The following ADAMTSL1 variants were observed in gnomAD, a reference collection of about 807,000 sequenced individuals.
ADAMTSL1 encodes ADAMTS like 1.
Under a neutral mutation model 201.8 loss-of-function variants are expected in ADAMTSL1, and 126 were observed. The ratio of observed to expected loss-of-function variants is 0.62; its 90% CI spans 0.54 to 0.72. The LOEUF is 0.72. ADAMTSL1 is among the 30% of genes least tolerant of loss of function. ADAMTSL1 has a pLI of 0.00. For missense variants in ADAMTSL1, 2,679 were observed against 2,277.8 expected (o/e 1.18, Z -3.59); for synonymous variants, 1,121 against 903.4 (o/e 1.24, Z -4.32).
chr9:18,707,132 C>G, intron 14 of ADAMTSL1, 84 bp downstream of exon 14: 22 of 1,480,630 alleles, frequency 1.5e-5, no homozygotes, highest in Non-Finnish European at 2.0e-5. Context: ...ATGTGACTGC[C>G]TCAAATCCAA....
chr9:18,182,297 A>G (rs116140933), intron 2 of ADAMTSL1, among the ~76,000 whole-genome samples: 2,101 of 152,264 alleles, frequency 0.014, 72 homozygotes, highest in African/African-American at 0.048. Flanking sequence ...AAAAAAAAAA[A>G]AAGAAGAATT....
At chr9:18,327,081 TAAAA>T (rs566009481) in intron 2 of ADAMTSL1, among the ~76,000 whole-genome samples, 1 of 152,202 alleles carries the variant, frequency 6.6e-6, no homozygotes, top group Non-Finnish European at 1.5e-5. Context: ...CGAAAGCTGA[TAAAA>T]AAATTTTCAA....
At chr9:18,738,159 C>G (rs995515182) in intron 15 of ADAMTSL1, among the ~76,000 whole-genome samples, 11 of 152,020 alleles carry the variant, frequency 7.2e-5, no homozygotes, top group Non-Finnish European at 1.6e-4. Flanking sequence ...AATAGGGGAC[C>G]CAGATGGTCA....
intron 1 of ADAMTSL1, among the ~76,000 whole-genome samples, chr9:18,057,890 C>T (rs1318778089): frequency 6.6e-6 from 1 of 152,166 alleles, no homozygotes; most frequent in South Asian, 2.1e-4. Flanking sequence ...TTTAGGTCTC[C>T]CTATTATCCA....
intron 20 of ADAMTSL1, among the ~76,000 whole-genome samples, chr9:18,811,165 C>G (rs545952581): frequency 6.6e-6 from 1 of 152,230 alleles, no homozygotes; most frequent in African/African-American, 2.4e-5. Flanking sequence ...GTGTCCACCA[C>G]TACCTGCACC....
chr9:18,189,826 C>G (rs1054446836), intron 2 of ADAMTSL1, among the ~76,000 whole-genome samples: 1 of 152,102 alleles, frequency 6.6e-6, no homozygotes, highest in Non-Finnish European at 1.5e-5. Flanking sequence ...GTTCTGTGGA[C>G]TTTTAAACTC....
chr9:17,936,673 C>A (rs1288284578), intron 1 of ADAMTSL1, among the ~76,000 whole-genome samples: 1 of 152,156 alleles, frequency 6.6e-6, no homozygotes, highest in Non-Finnish European at 1.5e-5. Context: ...ATTTTCCCAC[C>A]ACACAGGAAT....
At chr9:18,417,116 A>T (rs148835316) in intron 2 of ADAMTSL1, among the ~76,000 whole-genome samples, 246 of 152,158 alleles carry the variant, frequency 1.6e-3, no homozygotes, top group African/African-American at 5.6e-3. Flanking sequence ...TAACAAAAAG[A>T]TCTCTGCAAA....
intron 2 of ADAMTSL1, among the ~76,000 whole-genome samples, chr9:18,291,791 C>G (rs1475089558): frequency 6.7e-6 from 1 of 148,786 alleles, no homozygotes; most frequent in African/African-American, 2.5e-5. Flanking sequence ...CCCTACCTGT[C>G]TTAGAGAGTC....
At chr9:17,950,505 G>C (rs1374160321) in intron 1 of ADAMTSL1, among the ~76,000 whole-genome samples, 2 of 150,912 alleles carry the variant, frequency 1.3e-5, no homozygotes, top group African/African-American at 4.9e-5. Flanking sequence ...GTGTATGATT[G>C]TATATATTTT....
intron 2 of ADAMTSL1, among the ~76,000 whole-genome samples, chr9:18,520,181 C>A (rs1432256586): frequency 1.3e-5 from 2 of 152,202 alleles, no homozygotes; most frequent in African/African-American, 4.8e-5. Context: ...AGCTTTGCAG[C>A]CTCCTAACTG....
chr9:18,794,620 TTTGTTGTTTTTTTTTGTTG>T (rs1210966297), intron 19 of ADAMTSL1, among the ~76,000 whole-genome samples: 3 of 132,570 alleles, frequency 2.3e-5, no homozygotes, highest in Non-Finnish European at 4.7e-5. Flanking sequence ...CTGGTTGTTT[TTTGTTGTTTTTTTTTGTTG>T]TTGTTGTTTT....
intron 15 of ADAMTSL1, among the ~76,000 whole-genome samples, chr9:18,731,402 G>A (rs955351872): frequency 6.6e-6 from 1 of 152,128 alleles, no homozygotes; most frequent in Non-Finnish European, 1.5e-5. Context: ...AGACTGAGGT[G>A]GGAGGATCAC....
chr9:18,614,899 C>A lies in ADAMTSL1; in HGVS notation c.475-7344C>A, dbSNP rs187626253. Among the ~76,000 whole-genome samples, 15 of 150,986 alleles carry A rather than the reference C, an allele frequency of 9.9e-5. No homozygotes were observed. In the East Asian group the frequency reaches 1.4e-3, roughly 14 times the overall value. ...CAAAGGAGCCCTTTATTTTTTTTTT[C>A]CTATGGGCCTTGTGTTTTGGAAGTT... On this transcript the variant is annotated intron_variant, in intron 4 of 28. Transcript: ENST00000380548.
intron 1 of ADAMTSL1, among the ~76,000 whole-genome samples, chr9:18,092,406 A>G (rs983359621): frequency 1.3e-5 from 2 of 152,218 alleles, no homozygotes; most frequent in East Asian, 1.9e-4. Context: ...GATTTCAGCA[A>G]TATAGTTGAA....
At chr9:18,788,340 A>G (rs779513631) in intron 19 of ADAMTSL1, among the ~76,000 whole-genome samples, 14 of 151,914 alleles carry the variant, frequency 9.2e-5, no homozygotes, top group Non-Finnish European at 2.1e-4. Context: ...GTGATTGTCT[A>G]TTTCCCTAAG....
chr9:18,730,544 C>A (rs1423632626), intron 15 of ADAMTSL1, among the ~76,000 whole-genome samples: 1 of 152,228 alleles, frequency 6.6e-6, no homozygotes, highest in African/African-American at 2.4e-5. Context: ...ATAGTGAATT[C>A]TTCCGTCATT....
intron 20 of ADAMTSL1, among the ~76,000 whole-genome samples, chr9:18,797,236 G>T (rs556823859): frequency 3.3e-5 from 5 of 152,310 alleles, no homozygotes; most frequent in Middle Eastern, 6.8e-3. Flanking sequence ...AGCTGCTAGG[G>T]TTTGTATAGG....
chr9:18,783,121 G>A (rs564009785), intron 19 of ADAMTSL1, among the ~76,000 whole-genome samples: 4 of 152,180 alleles, frequency 2.6e-5, no homozygotes, highest in Admixed American at 6.5e-5. Flanking sequence ...GGCCATTGCA[G>A]TAGCCCCTAC....
Sources: allele counts gnomAD v4.1 joint callset (sites outside exome capture counted in the v4.1 genomes callset), GRCh38; gene constraint gnomAD v4.1.1; transcripts MANE v1.5; gene names NCBI Gene and HGNC (gene_info 2026-07-23, HGNC 2026-07-21).